The following C12orf56 variants were observed in gnomAD, a reference collection of about 807,000 sequenced individuals.
C12orf56 encodes the protein chromosome 12 open reading frame 56.
C12orf56 carries 71 observed loss-of-function variants against 69.9 expected under a neutral mutation model. That is an observed-to-expected ratio of 1.02 (90% CI 0.84 to 1.24). The LOEUF (loss-of-function observed/expected upper bound fraction) is 1.24, where lower values mean the gene tolerates loss of function less well. Ranked by LOEUF, C12orf56 falls within the 50% of genes most tolerant of loss-of-function variation. The probability of loss-of-function intolerance (pLI) is 0.00; values close to 1 mark genes in which losing one functional copy is unlikely to be tolerated. For missense variants in C12orf56, 732 were observed against 738.5 expected, an observed-to-expected ratio of 0.99 and a Z score of 0.10; for synonymous variants, 276 against 274.1, an observed-to-expected ratio of 1.01 and a Z score of -0.07.
chr12:64,347,644 T>A (rs576249742), intron 2 of C12orf56, among the ~76,000 whole-genome samples: 1 of 152,138 alleles, frequency 6.6e-6, no homozygotes, highest in Non-Finnish European at 1.5e-5. Flanking sequence ...TCTACCTGTC[T>A]CTCTAGTTAT....
intron 2 of C12orf56, among the ~76,000 whole-genome samples, chr12:64,333,440 A>C (rs1252881497): frequency 6.6e-6 from 1 of 152,196 alleles, no homozygotes; most frequent in East Asian, 1.9e-4. Context: ...GGAAAAAAAA[A>C]AACAACTTTA....
chr12:64,276,385 C>T (rs1407001271), intron 9 of C12orf56, among the ~76,000 whole-genome samples: 1 of 152,100 alleles, frequency 6.6e-6, no homozygotes, highest in Non-Finnish European at 1.5e-5. Context: ...GGACTAGTCT[C>T]ATTTGGTGGT....
At chr12:64,372,806 T>A (rs901849608) in intron 1 of C12orf56, among the ~76,000 whole-genome samples, 2 of 152,150 alleles carry the variant, frequency 1.3e-5, no homozygotes, top group Admixed American at 1.3e-4. Context: ...TGAGCCACCA[T>A]GCCTGGCCAG....
In C12orf56 at chr12:64,266,739, G is replaced by C. The variant is rs1025932145; in HGVS notation, c.*444C>G. 2.5e-5 allele frequency: 9 copies of C among 365,370 alleles called. No homozygotes were observed. Among genetic ancestry groups the C allele is most frequent in the Non-Finnish European group, 4.6e-5 (9 of 196,932 alleles). The allele number at this position is 365,370 out of a possible 1,614,324, so 22.6% of individuals were successfully genotyped here. On this transcript the variant is annotated 3_prime_UTR_variant, in exon 13 of 13. Transcript: ENST00000543942. ...GAAGAACTTGAATGCCCATGCCTCA[G>C]GCCCCCACACTCCCCGGCATCCTAT...
intron 6 of C12orf56, among the ~76,000 whole-genome samples, chr12:64,300,587 C>T (rs1018885715): frequency 2.0e-5 from 3 of 152,150 alleles, no homozygotes; most frequent in African/African-American, 7.2e-5. Flanking sequence ...TCCCAGTCCT[C>T]TCCTAACTGC....
rs1000911472 is a variant in C12orf56, at chr12:64,283,140, C to G, written c.1310+1524G>C. On this transcript the variant is annotated intron_variant, in intron 8 of 12. Transcript: ENST00000543942. Reference sequence around the variant, plus strand: ...CTGGACAACAAGAGTGAAGCGCTGTCTCAAAAAAAAAAGAAAAAAGAAAGA... The same window carrying G: ...CTGGACAACAAGAGTGAAGCGCTGTGTCAAAAAAAAAAGAAAAAAGAAAGA... 2.0e-5 allele frequency among the ~76,000 whole-genome samples: 3 copies of G among 146,712 alleles called. No individual in the cohort carries two copies. In the Admixed American group the frequency reaches 2.0e-4, roughly 10 times the overall value.
chr12:64,340,712 T>C (rs778700892), intron 2 of C12orf56, among the ~76,000 whole-genome samples: 6 of 152,216 alleles, frequency 3.9e-5, no homozygotes, highest in Non-Finnish European at 7.3e-5. Context: ...AAGGAGGAAA[T>C]ACTCATGACA....
At chr12:64,308,842 CA>C (rs1266417178) in intron 5 of C12orf56, among the ~76,000 whole-genome samples, 123 of 83,056 alleles carry the variant, frequency 1.5e-3, no homozygotes, top group African/African-American at 4.9e-3. Flanking sequence ...GACTCCATCT[CA>C]AAAAAAAAAG....
intron 1 of C12orf56, among the ~76,000 whole-genome samples, chr12:64,369,422 T>C (rs1417251011): frequency 6.6e-6 from 1 of 152,062 alleles, no homozygotes; most frequent in Non-Finnish European, 1.5e-5. Flanking sequence ...GGTCTTGAAC[T>C]CCTGACTACA....
In C12orf56 at chr12:64,300,085, A is replaced by G. The variant is rs562452409; in HGVS notation, c.1113+3550T>C. On this transcript the variant is annotated intron_variant, in intron 6 of 12. Coordinates refer to ENST00000543942, the MANE Select transcript of C12orf56 (RefSeq NM_001170633.2). ...AAGGAGGAAGGTACTAAAGTTCCCC[A>G]TTAGGCATGACAGGAAAGGCAGAAA... Among the ~76,000 whole-genome samples the G allele has an allele frequency of 2.0e-5, 3 of 152,270 alleles. No homozygotes were observed. The East Asian group carries it at 5.8e-4, about 29-fold the overall frequency.
intron 1 of C12orf56, chr12:64,389,472 T>A (rs1268826635): frequency 6.6e-6 from 1 of 152,240 alleles, no homozygotes; most frequent in Non-Finnish European, 1.5e-5. Flanking sequence ...CATCTGCTTA[T>A]TCATGCATTT....
rs1213431256 is a variant in C12orf56, at chr12:64,390,736, C to T, written c.-171G>A. On this transcript the variant is annotated 5_prime_UTR_variant, in exon 1 of 13. Coordinates refer to ENST00000543942, the MANE Select transcript of C12orf56 (RefSeq NM_001170633.2). The stretch of plus-strand genomic sequence containing the variant: ...CAGGAATCGACGCTAGGTCGGCTTC[C>T]CTGGAGCGCCCTCCCCAGCCCTGTC... The T allele has an allele frequency of 2.2e-6, 2 of 899,148 alleles. No individual in the cohort carries two copies. Among genetic ancestry groups the T allele is most frequent in the Non-Finnish European group, 3.1e-6 (2 of 645,996 alleles). The allele number at this position is 899,148 out of a possible 1,614,324, so 55.7% of individuals were successfully genotyped here.
At chr12:64,282,247 TA>T (rs112954251) in intron 8 of C12orf56, among the ~76,000 whole-genome samples, 4,743 of 152,298 alleles carry the variant, frequency 0.031, 239 homozygotes, top group African/African-American at 0.11. Context: ...TTGTTTGCTG[TA>T]AAGCAGAGCT....
At chr12:64,284,789 T>C in intron 7 of C12orf56, 36 bp from the exon 8 acceptor site, 1 of 1,469,168 alleles carries the variant, frequency 6.8e-7, no homozygotes, top group Non-Finnish European at 9.2e-7. Flanking sequence ...AGAAATGGCA[T>C]GATTTCATTA....
At chr12:64,293,012 G>T (rs559792146) in intron 6 of C12orf56, among the ~76,000 whole-genome samples, 308 of 151,772 alleles carry the variant, frequency 2.0e-3, no homozygotes, top group African/African-American at 7.2e-3. Flanking sequence ...AGACTCCGTG[G>T]GCGTAGGACC....
intron 2 of C12orf56, among the ~76,000 whole-genome samples, chr12:64,339,036 C>T (rs970203378): frequency 1.3e-5 from 2 of 152,176 alleles, no homozygotes; most frequent in Non-Finnish European, 2.9e-5. Flanking sequence ...GTTCACTATG[C>T]GTAGCCTAAG....
intron 1 of C12orf56, among the ~76,000 whole-genome samples, chr12:64,356,170 C>CAAAAAAAAAAAAAAAAA (rs761289428): frequency 2.1e-5 from 1 of 48,432 alleles, no homozygotes; most frequent in African/African-American, 9.4e-5. Flanking sequence ...GACTCCATCT[C>CAAAAAAAAAAAAAAAAA]AAAAAAAAAA....
chr12:64,272,856 A>C (rs926265064), intron 11 of C12orf56, among the ~76,000 whole-genome samples: 14 of 152,180 alleles, frequency 9.2e-5, no homozygotes, highest in African/African-American at 3.4e-4. Context: ...TCTACTGACA[A>C]ATGTACCCTC....
intron 3 of C12orf56, among the ~76,000 whole-genome samples, chr12:64,323,513 T>C (rs2038798382): frequency 6.6e-6 from 1 of 152,122 alleles, no homozygotes; most frequent in South Asian, 2.1e-4. Context: ...CTGTCACTTT[T>C]AACAGAGTTT....
Sources: gnomAD v4.1 joint callset for allele counts (sites outside exome capture counted in the v4.1 genomes callset) on GRCh38, gnomAD v4.1.1 for gene constraint, MANE v1.5 for transcripts, NCBI Gene and HGNC (gene_info 2026-07-23, HGNC 2026-07-21) for gene names.